FBXO4: variants seen among roughly 807,000 people sequenced by gnomAD.
The protein encoded by FBXO4 is F-box protein 4, also known as F-box only protein 4.
A neutral mutation model predicts 43.7 loss-of-function variants in FBXO4; 36 were observed. The observed-to-expected ratio is 0.82, with a 90% CI of 0.63 to 1.09. The LOEUF (loss-of-function observed/expected upper bound fraction) is 1.09. Ranked by LOEUF, FBXO4 falls within the 50% of genes least tolerant of loss-of-function variation. The pLI, the probability that FBXO4 is intolerant of heterozygous loss-of-function variation, is 0.00. For synonymous variants in FBXO4, 180 were observed against 165.6 expected, an observed-to-expected ratio of 1.09 and a Z score of -0.67; for missense variants, 435 against 474.1, an observed-to-expected ratio of 0.92 and a Z score of 0.77.
At chr5:41,999,486 T>TATAC in the FBXO4 span, among the ~76,000 whole-genome samples, 7 of 100,004 alleles carry the variant, frequency 7.0e-5, no homozygotes, top group African/African-American at 2.4e-4. Context: ...TACACATATA[T>TATAC]ATATATACAT....
intron 5 of FBXO4, among the ~76,000 whole-genome samples, chr5:41,935,818 T>C (rs1234053264): frequency 6.6e-6 from 1 of 152,284 alleles, no homozygotes; most frequent in Non-Finnish European, 1.5e-5. Context: ...CTCTTCCCCA[T>C]AACCCCCATG....
intron 2 of FBXO4, among the ~76,000 whole-genome samples, chr5:41,929,272 C>G (rs1751603136): frequency 6.6e-6 from 1 of 152,202 alleles, no homozygotes; most frequent in African/African-American, 2.4e-5. Context: ...CATCCTTGGC[C>G]TCTGCTAACT....
the FBXO4 span, among the ~76,000 whole-genome samples, chr5:41,991,356 A>C: frequency 6.6e-6 from 1 of 152,048 alleles, no homozygotes; most frequent in African/African-American, 2.4e-5. Context: ...TCTTGAATCT[A>C]CTCCTAACCT....
chr5:42,011,552 T>C, the FBXO4 span, among the ~76,000 whole-genome samples: 1 of 152,220 alleles, frequency 6.6e-6, no homozygotes, highest in Non-Finnish European at 1.5e-5. Context: ...CTCCCATCAT[T>C]GCATGCATGT....
chr5:41,951,743 C>A, the FBXO4 span: 1 of 213,662 alleles, frequency 4.7e-6, no homozygotes, highest in Non-Finnish European at 9.4e-6. Context: ...TGGAGGAAAA[C>A]CTGTGTGACC....
chr5:42,006,758 T>C, the FBXO4 span, among the ~76,000 whole-genome samples: 2 of 151,212 alleles, frequency 1.3e-5, no homozygotes, highest in African/African-American at 2.4e-5. Context: ...TCAGAGTAAT[T>C]AATTGTGATT....
At chr5:41,945,635 C>T (rs572510730), downstream of FBXO4, among the ~76,000 whole-genome samples, 3 of 152,144 alleles carry the variant, frequency 2.0e-5, no homozygotes, top group East Asian at 1.9e-4. Context: ...GAAAAGCCGA[C>T]GTTCATAGCT....
At chr5:41,953,304 T>C in the FBXO4 span, among the ~76,000 whole-genome samples, 1 of 151,894 alleles carries the variant, frequency 6.6e-6, no homozygotes, top group Admixed American at 6.6e-5. Context: ...ATTTCATCCA[T>C]GTCCCTACAA....
chr5:41,926,693 T>C (rs1751514595), intron 1 of FBXO4, among the ~76,000 whole-genome samples: 1 of 152,256 alleles, frequency 6.6e-6, no homozygotes, highest in Non-Finnish European at 1.5e-5. Flanking sequence ...TGTAACTAAC[T>C]GGTATATCCA....
At chr5:42,001,822 T>C in the FBXO4 span, among the ~76,000 whole-genome samples, 1 of 152,018 alleles carries the variant, frequency 6.6e-6, no homozygotes, top group South Asian at 2.1e-4. Flanking sequence ...TCCCTAGTAG[T>C]TGGGACTACA....
chr5:41,948,280 C>T, the FBXO4 span, among the ~76,000 whole-genome samples: 2 of 151,932 alleles, frequency 1.3e-5, no homozygotes, highest in African/African-American at 2.4e-5. Context: ...AGACTACAGG[C>T]GGCTGCCACC....
chr5:41,970,218 G>A, the FBXO4 span, among the ~76,000 whole-genome samples: 2 of 151,966 alleles, frequency 1.3e-5, no homozygotes, highest in African/African-American at 2.4e-5. Context: ...ATTTTAAGTG[G>A]AGTATCCTGA....
chr5:42,016,136 T>C, the FBXO4 span, among the ~76,000 whole-genome samples: 8 of 152,260 alleles, frequency 5.3e-5, no homozygotes, highest in African/African-American at 1.4e-4. Context: ...GCTAGAAAAC[T>C]GTTAATTTTC....
the FBXO4 span, among the ~76,000 whole-genome samples, chr5:42,022,531 C>T: frequency 2.0e-5 from 3 of 152,020 alleles, no homozygotes; most frequent in African/African-American, 7.2e-5. Context: ...ACCACTTTTA[C>T]TCTGATGCTA....
chr5:41,933,095 G>A (rs1364770553), intron 3 of FBXO4, among the ~76,000 whole-genome samples: 4 of 152,158 alleles, frequency 2.6e-5, no homozygotes, highest in Non-Finnish European at 4.4e-5. Context: ...GTGTCAAACT[G>A]AGGGATACAA....
At chr5:41,927,288 A>G (rs778804599) in intron 2 of FBXO4, 40 bp downstream of exon 2, 2 of 1,397,646 alleles carry the variant, frequency 1.4e-6, no homozygotes, top group Non-Finnish European at 2.0e-6. Flanking sequence ...AAGCTATTAA[A>G]TTTTCCTGTA....
At chr5:41,945,586 C>T (rs1048968307), downstream of FBXO4, among the ~76,000 whole-genome samples, 6 of 152,156 alleles carry the variant, frequency 3.9e-5, no homozygotes, top group African/African-American at 1.4e-4. Flanking sequence ...AATGGACATG[C>T]AGTCAGGGAG....
the FBXO4 span, chr5:41,951,171 C>T: frequency 6.4e-6 from 1 of 155,620 alleles, no homozygotes; most frequent in Non-Finnish European, 1.4e-5. Context: ...TGTAAGAAAC[C>T]TGCACGTTCT....
At chr5:42,032,224 C>T in the FBXO4 span, among the ~76,000 whole-genome samples, 4 of 152,080 alleles carry the variant, frequency 2.6e-5, no homozygotes, top group South Asian at 2.1e-4. Context: ...CCTGCAGTGA[C>T]GGCCCTCTGG....
Sources: allele counts gnomAD v4.1 joint callset (sites outside exome capture counted in the v4.1 genomes callset), GRCh38; gene constraint gnomAD v4.1.1; transcripts MANE v1.5; gene names NCBI Gene and HGNC (gene_info 2026-07-23, HGNC 2026-07-21).